Variants in WWOX observed in about 807,000 individuals in gnomAD.
WWOX encodes WW domain containing oxidoreductase.
WWOX carries 69 observed loss-of-function variants against 46.2 expected under a neutral mutation model. That is an observed-to-expected ratio of 1.49 (90% CI 1.23 to 1.82). The LOEUF is 1.82. Among genes scored for constraint, WWOX ranks in the 40% most tolerant of loss-of-function variants. WWOX has a pLI of 0.00. For missense variants in WWOX, 919 were observed against 542.6 expected, an observed-to-expected ratio of 1.69 and a Z score of -6.89; for synonymous variants, 359 against 202.6, an observed-to-expected ratio of 1.77 and a Z score of -6.56.
chr16:78,173,933 C>T (rs552126860), intron 5 of WWOX, among the ~76,000 whole-genome samples: 97 of 151,946 alleles, frequency 6.4e-4, no homozygotes, highest in South Asian at 3.1e-3. Flanking sequence ...GCTGTGTCCT[C>T]ATATGGTGGA....
intron 8 of WWOX, among the ~76,000 whole-genome samples, chr16:78,616,214 T>C (rs545017147): frequency 4.8e-5 from 7 of 144,898 alleles, no homozygotes; most frequent in East Asian, 2.0e-4. Context: ...ACACACACTT[T>C]TGTGGTTTTT....
chr16:78,742,800 CTT>C (rs2049261138), intron 8 of WWOX, among the ~76,000 whole-genome samples: 1 of 152,170 alleles, frequency 6.6e-6, no homozygotes, highest in African/African-American at 2.4e-5. Context: ...TCTTGGGAAA[CTT>C]TGCGGGAATT....
intron 8 of WWOX, among the ~76,000 whole-genome samples, chr16:78,859,410 A>G (rs1036547285): frequency 3.3e-5 from 5 of 152,112 alleles, no homozygotes; most frequent in East Asian, 1.9e-4. Context: ...ACTTTTGGGA[A>G]TCTTACCAGG....
intron 8 of WWOX, among the ~76,000 whole-genome samples, chr16:78,774,217 A>G (rs542826187): frequency 2.4e-4 from 37 of 152,306 alleles, no homozygotes; most frequent in Middle Eastern, 3.4e-3. Context: ...CCTGGCCAAC[A>G]TGGTGAAACC....
chr16:78,796,293 C>G (rs1382633923), intron 8 of WWOX, among the ~76,000 whole-genome samples: 2 of 152,232 alleles, frequency 1.3e-5, no homozygotes, highest in Non-Finnish European at 2.9e-5. Flanking sequence ...TTGGGCTCAG[C>G]CATACCCTGG....
At chr16:78,878,144 C>T (rs1485601131) in intron 8 of WWOX, among the ~76,000 whole-genome samples, 2 of 152,184 alleles carry the variant, frequency 1.3e-5, no homozygotes, top group Admixed American at 6.5e-5. Context: ...GCCTCTTGAG[C>T]AGCCATGCCT....
chr16:78,676,528 A>G (rs554968369), intron 8 of WWOX, among the ~76,000 whole-genome samples: 2 of 151,904 alleles, frequency 1.3e-5, no homozygotes, highest in Admixed American at 1.3e-4. Flanking sequence ...CATTGTTCCA[A>G]CTCAAAGTCT....
At chr16:78,589,763 T>A (rs1221535582) in intron 8 of WWOX, among the ~76,000 whole-genome samples, 3 of 152,202 alleles carry the variant, frequency 2.0e-5, no homozygotes, top group Non-Finnish European at 2.9e-5. Context: ...TCTTCTCATT[T>A]AATAGGTTGG....
Position 78,922,440 on chromosome 16 carries a change from G to T in WWOX, c.1057-289168G>T, listed in dbSNP as rs7498636. Among the ~76,000 whole-genome samples, 3 of 150,334 alleles carry T rather than the reference G, an allele frequency of 2.0e-5. No individual in the cohort carries two copies. In the South Asian group the frequency reaches 6.3e-4, roughly 31 times the overall value. The stretch of plus-strand genomic sequence containing the variant: ...GTCGCTCAGGCTGGAGTGCAGTGGC[G>T]TGACCTTGGCTCACTGCAATTTCTA... On this transcript the variant is annotated intron_variant, in intron 8 of 8. Transcript: ENST00000566780.
At chr16:79,166,029 A>G (rs1054538436) in intron 8 of WWOX, among the ~76,000 whole-genome samples, 8 of 152,236 alleles carry the variant, frequency 5.3e-5, no homozygotes, top group Non-Finnish European at 1.0e-4. Flanking sequence ...TCTGCATTTC[A>G]GGTACAGTGA....
At chr16:78,807,936 T>C (rs759868115) in intron 8 of WWOX, among the ~76,000 whole-genome samples, 1 of 152,214 alleles carries the variant, frequency 6.6e-6, no homozygotes, top group Non-Finnish European at 1.5e-5. Context: ...TACAGAACGT[T>C]TTCATTTCAT....
chr16:78,486,918 T>C (rs980291913), intron 8 of WWOX, among the ~76,000 whole-genome samples: 1 of 152,186 alleles, frequency 6.6e-6, no homozygotes, highest in Non-Finnish European at 1.5e-5. Context: ...GTGAAGTTGA[T>C]GATCTATTCC....
chr16:78,371,165 A>C (rs960332446), intron 5 of WWOX, among the ~76,000 whole-genome samples: 3 of 152,172 alleles, frequency 2.0e-5, no homozygotes, highest in Non-Finnish European at 2.9e-5. Flanking sequence ...TGATACGCAC[A>C]GTTCCTCAGC....
chr16:78,534,756 C>T (rs1597226442), intron 8 of WWOX, among the ~76,000 whole-genome samples: 3 of 152,120 alleles, frequency 2.0e-5, no homozygotes, highest in Admixed American at 6.6e-5. Flanking sequence ...TGTCTCCAGG[C>T]TGGAGTGCAG....
intron 5 of WWOX, among the ~76,000 whole-genome samples, chr16:78,222,470 GACAGTATGCA>G (rs2036920066): frequency 6.6e-6 from 1 of 151,956 alleles, no homozygotes; most frequent in Non-Finnish European, 1.5e-5. Flanking sequence ...AGAAAAAAAT[GACAGTATGCA>G]ACAGTCAACT....
chr16:78,410,492 G>C (rs1280538593), intron 6 of WWOX, among the ~76,000 whole-genome samples: 1 of 151,972 alleles, frequency 6.6e-6, no homozygotes, highest in Non-Finnish European at 1.5e-5. Flanking sequence ...TCTGGCTCAG[G>C]GTCTTTCTTG....
At chr16:79,096,955 G>C (rs1163850806) in intron 8 of WWOX, among the ~76,000 whole-genome samples, 1 of 152,106 alleles carries the variant, frequency 6.6e-6, no homozygotes, top group Non-Finnish European at 1.5e-5. Context: ...ATTGGGGAGG[G>C]GGCCAGGAAG....
At chr16:78,527,856 G>A (rs528846898) in intron 8 of WWOX, among the ~76,000 whole-genome samples, 1 of 151,814 alleles carries the variant, frequency 6.6e-6, no homozygotes, top group African/African-American at 2.4e-5. Context: ...GTGGGCAAAG[G>A]CCAGGGATAG....
chr16:79,190,987 G>A (rs2051124438), intron 8 of WWOX, among the ~76,000 whole-genome samples: 1 of 152,150 alleles, frequency 6.6e-6, no homozygotes, highest in East Asian at 1.9e-4. Context: ...ATGTATCAAA[G>A]GTGATGTGTG....
Sources: allele counts gnomAD v4.1 joint callset (sites outside exome capture counted in the v4.1 genomes callset), GRCh38; gene constraint gnomAD v4.1.1; transcripts MANE v1.5; gene names NCBI Gene and HGNC (gene_info 2026-07-23, HGNC 2026-07-21).